Variants in ZNF615 observed in about 807,000 individuals in gnomAD.
ZNF615 encodes the protein zinc finger protein 615.
ZNF615 carries 15 observed loss-of-function variants against 15.3 expected under a neutral mutation model. That is an observed-to-expected ratio of 0.98 (90% confidence interval 0.66 to 1.51). The LOEUF (loss-of-function observed/expected upper bound fraction) is 1.51, where lower values mean the gene tolerates loss of function less well. Among genes scored for constraint, ZNF615 ranks in the 40% most tolerant of loss-of-function variants. The pLI, the probability that ZNF615 is intolerant of heterozygous loss-of-function variation, is 0.00. For synonymous variants in ZNF615, 268 were observed against 294.6 expected (o/e 0.91, Z 0.92); for missense variants, 848 against 895.9 (o/e 0.95, Z 0.68).
In ZNF615 at chr19:52,002,301, T is replaced by A. The variant is rs756504938; in HGVS notation, c.16-20A>T. 1.4e-5 allele frequency: 23 copies of A among 1,613,660 alleles called. 1 individual carries two copies. The South Asian group carries it at 2.4e-4, about 17-fold the overall frequency. On this transcript the variant is annotated intron_variant, in intron 3 of 6. Transcript: ENST00000598071. Reference sequence around the variant, plus strand: ...GGATTCCTGTAATAACACACTTCTGTTTAATGAAGTCATATTCTTTTGGTG... The same window carrying A: ...GGATTCCTGTAATAACACACTTCTGATTAATGAAGTCATATTCTTTTGGTG...
Position 51,993,725 on chromosome 19 carries a change from T to C in ZNF615, c.1384A>G (p.Thr462Ala), listed in dbSNP as rs764405720. The change falls in exon 7 of 7, where the codon ACT (threonine) becomes GCT (alanine). Residue 462 changes from threonine to alanine, a missense_variant. Coordinates refer to ENST00000598071, the MANE Select transcript of ZNF615 (RefSeq NM_001199324.2). ...GTGCATACATAGGGTTTCTCTCCAGTATGTGTTCGCTGATGTCTGATGAGT... is the reference window on the plus strand; with the variant it reads ...GTGCATACATAGGGTTTCTCTCCAGCATGTGTTCGCTGATGTCTGATGAGT... Reference protein sequence around the residue: ...SPLIRHQRTHTGEKPYVCTEC... With the variant: ...SPLIRHQRTHAGEKPYVCTEC... The C allele has an allele frequency of 6.2e-6, 10 of 1,613,970 alleles. No homozygotes were observed. The Admixed American group carries it at 1.7e-4, about 27-fold the overall frequency.
At chr19:51,995,629 T>C (rs2086398231) in intron 6 of ZNF615, among the ~76,000 whole-genome samples, 1 of 147,604 alleles carries the variant, frequency 6.8e-6, no homozygotes, top group Non-Finnish European at 1.5e-5. Context: ...AGTGGCACAA[T>C]CTCAGCTTAC....
At chr19:52,001,010 A>G (rs2123055481) in intron 5 of ZNF615, among the ~76,000 whole-genome samples, 1 of 152,208 alleles carries the variant, frequency 6.6e-6, no homozygotes, top group East Asian at 1.9e-4. Context: ...CCAATCAGAG[A>G]CCAGGTTATC....
intron 6 of ZNF615, among the ~76,000 whole-genome samples, chr19:51,998,853 C>T (rs2086514253): frequency 6.6e-6 from 1 of 152,156 alleles, no homozygotes; most frequent in South Asian, 2.1e-4. Context: ...CGGGGTTTCA[C>T]CATGTTGGCC....
At chr19:51,996,316 G>A (rs930351555) in intron 6 of ZNF615, among the ~76,000 whole-genome samples, 2 of 148,698 alleles carry the variant, frequency 1.3e-5, no homozygotes, top group Non-Finnish European at 3.0e-5. Flanking sequence ...AACCCAGGAG[G>A]TGGAGGTTGC....
chr19:52,001,239 G>T (rs2086580582), intron 5 of ZNF615, among the ~76,000 whole-genome samples: 1 of 152,006 alleles, frequency 6.6e-6, no homozygotes, highest in African/African-American at 2.4e-5. Context: ...CAGTGGACAA[G>T]AAAAGGCAGA....
chr19:51,994,915 C>G, intron 6 of ZNF615, 78 bp from the exon 7 acceptor site: 2 of 1,376,434 alleles, frequency 1.5e-6, no homozygotes, highest in Non-Finnish European at 1.9e-6. Flanking sequence ...TTAAAACTGC[C>G]TTGGTGTGAG....
rs747980641 is a variant in ZNF615 at position 51,994,396 on chromosome 19, G to C, written c.713C>G (p.Thr238Ser). 1.9e-6 allele frequency: 3 copies of C among 1,614,058 alleles called. No homozygotes were observed. The highest frequency in any genetic ancestry group is 2.5e-6 in the Non-Finnish European group (3 of 1,180,032). Residue 238 changes from threonine (T) to serine (S), a missense_variant, in exon 7 of 7, where the codon ACT (threonine) becomes AGT (serine). By Grantham distance (58) the Thr-to-Ser change is moderately conservative. Coordinates refer to ENST00000598071, the MANE Select transcript of ZNF615 (RefSeq NM_001199324.2). The stretch of plus-strand genomic sequence containing the variant: ...ACTGCATACATGAGGTTTTTCTCCA[G>C]TGTGAACTCTCTGATGATCAATAAA... ...SQFIDHQRVH[T>S]GEKPHVCSMC... is the part of the protein sequence containing the mutation.
In ZNF615 at chr19:51,994,455, A is replaced by C. The variant is rs1474972761; in HGVS notation, c.654T>G (p.Ser218Arg). 6.2e-7 allele frequency: 1 copy of C among 1,614,184 alleles called. No homozygotes were observed. The highest frequency in any genetic ancestry group is 1.6e-4 in the Middle Eastern group (1 of 6,062). The change falls in exon 7 of 7, where the codon AGT becomes AGG. Residue 218 changes from serine to arginine, a missense_variant. Physicochemically the swap from Ser to Arg is moderately radical, Grantham distance 110. Transcript: ENST00000598071. ...ACTTGAGGAAGGCTTTCCCACATTC[A>C]CTGCATACATGGGCATTCTCTATGT... ...THNIENAHVC[S>R]ECGKAFLKLS...
intron 6 of ZNF615, among the ~76,000 whole-genome samples, chr19:51,998,466 T>TC: frequency 6.6e-6 from 1 of 152,348 alleles, no homozygotes; most frequent in African/African-American, 2.4e-5. Flanking sequence ...CACTTACTGT[T>TC]CCACCAGCTG....
intron 6 of ZNF615, among the ~76,000 whole-genome samples, chr19:51,996,385 CA>C (rs1172310589): frequency 2.1e-3 from 70 of 33,312 alleles, no homozygotes; most frequent in South Asian, 5.8e-3. Flanking sequence ...GACTCTGTCT[CA>C]AAAAAAAAAA....
At position 52,007,290 on chromosome 19, in the gene ZNF615, T is replaced by C. The variant is rs781253478; in HGVS notation, c.-190+3A>G. 7.8e-7 allele frequency: 1 copy of C among 1,288,732 alleles called. No individual in the cohort carries two copies. The highest frequency in any genetic ancestry group is 5.6e-5 in the East Asian group (1 of 18,010). 79.8% of individuals were successfully genotyped at this position (1,288,732 alleles called of 1,614,324 possible). On this transcript the variant is annotated splice_donor_region_variant and intron_variant, in intron 2 of 6. Transcript: ENST00000598071. ...AAGGTTATCTTTGAGTAACCGAGCT[T>C]ACCATGGCAGAGATGTTATCTTACT...
At chr19:52,007,005 TA>T (rs2086771677) in intron 2 of ZNF615, among the ~76,000 whole-genome samples, 1 of 152,166 alleles carries the variant, frequency 6.6e-6, no homozygotes, top group Non-Finnish European at 1.5e-5. Context: ...AATTCATGGA[TA>T]AATGGATAAT....
At chr19:51,996,282 A>T (rs1408617199) in intron 6 of ZNF615, among the ~76,000 whole-genome samples, 4 of 148,046 alleles carry the variant, frequency 2.7e-5, no homozygotes, top group African/African-American at 9.9e-5. Context: ...GCTACTTGGG[A>T]GGCTGAGGCA....
chr19:52,001,264 G>A (rs1007867479), intron 5 of ZNF615, among the ~76,000 whole-genome samples: 1 of 151,990 alleles, frequency 6.6e-6, no homozygotes, highest in Non-Finnish European at 1.5e-5. Flanking sequence ...AAAATCCTAA[G>A]AAGATAATTA....
chr19:51,994,542 C>T lies in ZNF615; in HGVS notation c.567G>A (p.Lys189=), dbSNP rs1222591769. 6.2e-7 allele frequency: 1 copy of T among 1,614,134 alleles called. No individual in the cohort carries two copies. Reference sequence around the variant, plus strand: ...TAATAGGTTTTGCAATTGCAGGAAACTTCATTTCAGTATAAAATTGTTTAT... The same window carrying T: ...TAATAGGTTTTGCAATTGCAGGAAATTTCATTTCAGTATAAAATTGTTTAT... The part of the protein sequence containing the change: ...ANHKQFYTEM[K]FPAIAKPINK... Residue 189 remains lysine, a synonymous_variant, in exon 7 of 7, where the codon AAG becomes AAA. Coordinates refer to ENST00000598071, the MANE Select transcript of ZNF615 (RefSeq NM_001199324.2).
intron 6 of ZNF615, among the ~76,000 whole-genome samples, chr19:51,998,936 T>C (rs937742147): frequency 6.6e-6 from 1 of 152,208 alleles, no homozygotes; most frequent in African/African-American, 2.4e-5. Flanking sequence ...ATTACAGGCA[T>C]GAGCCACCGC....
At chr19:51,996,402 A>AAAAAC (rs779290049) in intron 6 of ZNF615, among the ~76,000 whole-genome samples, 1,714 of 134,364 alleles carry the variant, frequency 0.013, 57 homozygotes, top group African/African-American at 0.037. Flanking sequence ...AAAAAAAAAA[A>AAAAAC]AAAAAACGCA....
chr19:51,994,664 T>C lies in ZNF615; in HGVS notation c.445A>G (p.Lys149Glu). 1 of 1,613,232 alleles carries C rather than the reference T, an allele frequency of 6.2e-7. No homozygotes were observed. The highest frequency in any genetic ancestry group is 8.5e-7 in the Non-Finnish European group (1 of 1,179,950). Reference sequence around the variant, plus strand: ...TGGTTTTCAAAACTTAAATTTGATTTTAAAGGTTTTTCATGTAAGTCAAAC... The same window carrying C: ...TGGTTTTCAAAACTTAAATTTGATTCTAAAGGTTTTTCATGTAAGTCAAAC... Reference protein sequence around the residue: ...DTFDLHEKPLKSNLSFENQKR... With the variant: ...DTFDLHEKPLESNLSFENQKR... Residue 149 changes from lysine to glutamate, a missense_variant, in exon 7 of 7, where the codon AAA (lysine) becomes GAA (glutamate). Transcript: ENST00000598071.
Sources: gnomAD v4.1 joint callset for allele counts (sites outside exome capture counted in the v4.1 genomes callset) on GRCh38, gnomAD v4.1.1 for gene constraint, MANE v1.5 for transcripts, NCBI Gene and HGNC (gene_info 2026-07-23, HGNC 2026-07-21) for gene names.